PSD3: variants seen among roughly 807,000 people sequenced by gnomAD.
PSD3 encodes pleckstrin and Sec7 domain containing 3.
Under a neutral mutation model 105.5 loss-of-function variants are expected in PSD3, and 49 were observed. The ratio of observed to expected loss-of-function variants is 0.46; its 90% confidence interval spans 0.37 to 0.59. The LOEUF (loss-of-function observed/expected upper bound fraction) is 0.59, where lower values mean the gene tolerates loss of function less well. Among genes scored for constraint, PSD3 ranks in the 20% least tolerant of loss-of-function variants. The pLI is 0.00. For synonymous variants in PSD3, 557 were observed against 457.8 expected (o/e 1.22, Z -2.77); for missense variants, 1,561 against 1,263.8 (o/e 1.24, Z -3.57).
At chr8:18,981,311 A>C (rs2129472790) in intron 1 of PSD3, among the ~76,000 whole-genome samples, 2 of 152,306 alleles carry the variant, frequency 1.3e-5, no homozygotes, top group South Asian at 4.1e-4. Context: ...ACACATACAA[A>C]AAAAGTCCAC....
intron 9 of PSD3, chr8:18,733,798 T>A (rs1013168163): frequency 6.6e-6 from 1 of 152,598 alleles, no homozygotes; most frequent in East Asian, 1.9e-4. Context: ...ACCGGCAGTG[T>A]CTGCAATGTA....
chr8:18,621,424 C>T (rs1806101296), intron 11 of PSD3, among the ~76,000 whole-genome samples: 1 of 152,138 alleles, frequency 6.6e-6, no homozygotes, highest in African/African-American at 2.4e-5. Context: ...AAGACTATTG[C>T]TCCTGATGAG....
intron 1 of PSD3, among the ~76,000 whole-genome samples, chr8:18,988,018 C>T (rs548620358): frequency 8.3e-5 from 12 of 143,742 alleles, no homozygotes; most frequent in African/African-American, 2.9e-4. Flanking sequence ...CAAAACAAAG[C>T]CCTTAATTGC....
intron 4 of PSD3, among the ~76,000 whole-genome samples, chr8:18,843,552 C>T (rs772431055): frequency 2.6e-5 from 4 of 152,160 alleles, no homozygotes; most frequent in Admixed American, 6.5e-5. Context: ...GTTTATAATG[C>T]GTTCTCCTCT....
chr8:18,822,645 A>G (rs1339750266), intron 4 of PSD3, among the ~76,000 whole-genome samples: 2 of 152,214 alleles, frequency 1.3e-5, no homozygotes, highest in Non-Finnish European at 2.9e-5. Context: ...AGTGTGAACC[A>G]CTAAGCAATT....
rs1218804352 is a variant in PSD3 at position 18,902,841 on chromosome 8, A to C, written c.131-30108T>G. ...TGTAGATGTTCGTGGCAGTGGTGAC[A>C]GTGGCATAGGCTGCTAATGTCTTCA... is the stretch of plus-strand genomic sequence containing the variant. On this transcript the variant is annotated intron_variant, in intron 2 of 15. Transcript: ENST00000327040. 2.0e-5 allele frequency among the ~76,000 whole-genome samples: 3 copies of C among 152,342 alleles called. No homozygotes were observed. In the South Asian group the frequency reaches 6.2e-4, roughly 32 times the overall value.
rs187553563 is a variant in PSD3, at chr8:18,649,512, G to A, written c.2216+6130C>T. Among the ~76,000 whole-genome samples the A allele has an allele frequency of 7.1e-3, 1,076 of 152,226 alleles. 5 individuals carry two copies. Among genetic ancestry groups the A allele is most frequent in the Non-Finnish European group, 0.011 (768 of 68,006 alleles). On this transcript the variant is annotated intron_variant, in intron 10 of 15. Coordinates refer to ENST00000327040, the MANE Select transcript of PSD3 (RefSeq NM_015310.4). ...AACTAATTTGTTTTTAATTTTACAG[G>A]CTCATAGGCACAAGGGACTAGGCTT...
intron 15 of PSD3, among the ~76,000 whole-genome samples, chr8:18,541,236 G>A (rs984088375): frequency 8.7e-5 from 13 of 149,862 alleles, no homozygotes; most frequent in African/African-American, 3.2e-4. Flanking sequence ...AGGACTTTGC[G>A]TTTGTTTACT....
chr8:18,871,998 G>C lies in PSD3; in HGVS notation c.866C>G (p.Ser289Cys). 1 of 1,614,098 alleles carries C rather than the reference G, an allele frequency of 6.2e-7. No homozygotes were observed. Among genetic ancestry groups the C allele is most frequent in the Non-Finnish European group, 8.5e-7 (1 of 1,180,020 alleles). The change falls in exon 3 of 16, where the codon TCC becomes TGC. Residue 289 changes from serine to cysteine, a missense_variant. Ser to Cys is a moderately radical substitution (Grantham distance 112). Coordinates refer to ENST00000327040, the MANE Select transcript of PSD3 (RefSeq NM_015310.4). ...TTTGACCCGGCCTGGGCGTCCCATG[G>C]AGCTGCTTCGATCACATCCCCCTGG... ...EHPGGCDRSS[S>C]MGRPGRVKHV...
In PSD3 at chr8:19,064,156, GCAA is replaced by G. The variant is rs549463367; in HGVS notation, c.324+20047_324+20049del. On this transcript the variant is annotated intron_variant, in intron 1 of 1. Transcript: ENST00000521475. ...ACTCTGTCTCAAAAAAAAAGAAAAA[GCAA>G]CAACAACAAAAAGAAATTCAATTAA... Among the ~76,000 whole-genome samples the G allele has an allele frequency of 3.6e-4, 54 of 151,918 alleles. No individual in the cohort carries two copies. In the South Asian group the frequency reaches 9.6e-3, roughly 27 times the overall value.
chr8:18,659,631 G>C (rs929853578), intron 9 of PSD3, among the ~76,000 whole-genome samples: 1 of 152,154 alleles, frequency 6.6e-6, no homozygotes, highest in Non-Finnish European at 1.5e-5. Context: ...TAAGACTTGT[G>C]CCTCTCTTAG....
chr8:18,654,734 G>C (rs1009601305), intron 10 of PSD3, among the ~76,000 whole-genome samples: 1 of 152,086 alleles, frequency 6.6e-6, no homozygotes, highest in Non-Finnish European at 1.5e-5. Flanking sequence ...CATTGGCATT[G>C]GATAAGCTCC....
At chr8:18,616,973 G>A (rs1396144286) in intron 11 of PSD3, among the ~76,000 whole-genome samples, 2 of 152,092 alleles carry the variant, frequency 1.3e-5, no homozygotes, top group Non-Finnish European at 2.9e-5. Context: ...CATTCTTTCT[G>A]TAACTTCAAT....
chr8:18,935,340 A>G (rs781661198), intron 2 of PSD3, among the ~76,000 whole-genome samples: 3 of 152,100 alleles, frequency 2.0e-5, no homozygotes, highest in Non-Finnish European at 2.9e-5. Context: ...GCTGAAAATC[A>G]TTGTGGAAAT....
chr8:18,958,251 T>C (rs563794038), intron 1 of PSD3, among the ~76,000 whole-genome samples: 1 of 152,356 alleles, frequency 6.6e-6, no homozygotes, highest in Admixed American at 6.5e-5. Flanking sequence ...TAATGTATCA[T>C]CTACATAATT....
chr8:18,674,101 G>A (rs559880502), intron 9 of PSD3, among the ~76,000 whole-genome samples: 7 of 152,126 alleles, frequency 4.6e-5, no homozygotes, highest in South Asian at 2.1e-4. Flanking sequence ...AGCAGTGATC[G>A]TGCCACTGCA....
chr8:18,947,520 G>A (rs1822942808), intron 1 of PSD3, among the ~76,000 whole-genome samples: 1 of 152,184 alleles, frequency 6.6e-6, no homozygotes, highest in African/African-American at 2.4e-5. Flanking sequence ...GGGTTCTGCT[G>A]CTCCTCCAGG....
chr8:18,622,001 A>T (rs945859998), intron 11 of PSD3, among the ~76,000 whole-genome samples: 2 of 152,128 alleles, frequency 1.3e-5, no homozygotes, highest in African/African-American at 4.8e-5. Context: ...AATTTTCTAA[A>T]CTTTTGATGA....
At chr8:18,886,127 T>C (rs1356254337) in intron 2 of PSD3, among the ~76,000 whole-genome samples, 1 of 151,976 alleles carries the variant, frequency 6.6e-6, no homozygotes, top group African/African-American at 2.4e-5. Flanking sequence ...TCTGTCTATA[T>C]AATATATCAC....
Sources: allele counts gnomAD v4.1 joint callset (sites outside exome capture counted in the v4.1 genomes callset), GRCh38; gene constraint gnomAD v4.1.1; transcripts MANE v1.5; gene names NCBI Gene and HGNC (gene_info 2026-07-23, HGNC 2026-07-21).